Variants in ALDH16A1 observed in about 807,000 individuals in gnomAD.
ALDH16A1 encodes the protein aldehyde dehydrogenase family 16 member A1.
Under a neutral mutation model 96.1 loss-of-function variants are expected in ALDH16A1, and 88 were observed. That is an observed-to-expected ratio of 0.92 (90% CI 0.77 to 1.09). The LOEUF is 1.09. Among genes scored for constraint, ALDH16A1 ranks in the 50% least tolerant of loss-of-function variants. ALDH16A1 has a pLI of 0.00. For missense variants in ALDH16A1, 1,250 were observed against 1,112.6 expected, an observed-to-expected ratio of 1.12 and a Z score of -1.76; for synonymous variants, 522 against 496.4, an observed-to-expected ratio of 1.05 and a Z score of -0.69.
Position 49,459,754 on chromosome 19 carries a change from A to G in ALDH16A1, c.405A>G (p.Arg135=). The G allele has an allele frequency of 6.2e-7, 1 of 1,613,722 alleles. No homozygotes were observed. The highest frequency in any genetic ancestry group is 8.5e-7 in the Non-Finnish European group (1 of 1,179,928). Residue 135 remains arginine (R), a synonymous_variant, in exon 4 of 17, where the codon CGA becomes CGG. Coordinates refer to ENST00000293350, the MANE Select transcript of ALDH16A1 (RefSeq NM_153329.4). The surrounding 1 kb of genome is among the most constrained non-coding windows in gnomAD (Gnocchi z 4.1). The part of the protein sequence containing the change: ...LVTGRAVREV[R]DGDVQLAQQL... ...CTGGGCGGGCTGTTCGAGAGGTTCGAGACGGGGACGTCCAGCTGGCCCAGC... is the reference window on the plus strand; with the variant it reads ...CTGGGCGGGCTGTTCGAGAGGTTCGGGACGGGGACGTCCAGCTGGCCCAGC...
Position 49,462,637 on chromosome 19 carries a change from TG to T in ALDH16A1, c.984del (p.Arg329GlyfsTer173), listed in dbSNP as rs2079160194. The T allele has an allele frequency of 1.2e-6, 2 of 1,612,510 alleles. No homozygotes were observed. Among genetic ancestry groups the T allele is most frequent in the Admixed American group, 1.7e-5 (1 of 59,960 alleles). On this transcript the variant is annotated frameshift_variant, in exon 8 of 17. Transcript: ENST00000293350. LOFTEE classifies it high-confidence loss of function. ...GCCATGAGACGGCTGCAGGAGCGGA[TG>T]GGGCGGCTTCGGAGTGGCCGAGGGC... Reference protein sequence around the residue: ...DEAMRRLQERMGRLRSGRGLD... With the variant: ...DEAMRRLQERXGRLRSGRGLD...
chr19:49,463,867 G>T lies in ALDH16A1; in HGVS notation c.1112G>T (p.Gly371Val), dbSNP rs1204139265. 1 of 1,613,356 alleles carries T rather than the reference G, an allele frequency of 6.2e-7. No individual in the cohort carries two copies. Among genetic ancestry groups the T allele is most frequent in the Non-Finnish European group, 8.5e-7 (1 of 1,179,548 alleles). The change falls in exon 9 of 17, where the codon GGT becomes GTT. Residue 371 changes from glycine to valine, a missense_variant. By Grantham distance (109) the Gly-to-Val change is moderately radical. Transcript: ENST00000293350. ...TTCTCTCCCTAGGTGTTCCAGGCTGGTGATGTGCCTTCGGAACGCCCATTC... is the reference window on the plus strand; with the variant it reads ...TTCTCTCCCTAGGTGTTCCAGGCTGTTGATGTGCCTTCGGAACGCCCATTC... ...QSQGAQVFQA[G>V]DVPSERPFYP... is the part of the protein sequence containing the mutation.
intron 7 of ALDH16A1, among the ~76,000 whole-genome samples, chr19:49,462,354 C>T (rs985372139): frequency 3.3e-5 from 5 of 152,070 alleles, no homozygotes; most frequent in Non-Finnish European, 5.9e-5. Context: ...AGGCTGGTCT[C>T]GAACTCCTGA....
intron 14 of ALDH16A1, among the ~76,000 whole-genome samples, chr19:49,467,636 C>T (rs1274724688): frequency 1.3e-5 from 2 of 151,366 alleles, no homozygotes; most frequent in South Asian, 2.1e-4. Flanking sequence ...CCTCGTGATC[C>T]GCCCACCTTG....
chr19:49,466,402 T>C, intron 14 of ALDH16A1, 119 bp downstream of exon 14: 2 of 1,131,658 alleles, frequency 1.8e-6, no homozygotes, highest in Non-Finnish European at 2.4e-6. Flanking sequence ...CACGGCAGGA[T>C]CATCAGCAAG....
Position 49,466,228 on chromosome 19 carries a change from C to T in ALDH16A1, c.1883C>T (p.Ala628Val). 6.6e-7 allele frequency: 1 copy of T among 1,506,890 alleles called. No homozygotes were observed. The highest frequency in any genetic ancestry group is 8.9e-7 in the Non-Finnish European group (1 of 1,127,354). The allele number at this position is 1,506,890 out of a possible 1,614,324, so 93.3% of individuals were successfully genotyped here. ...KAAEAEVELS[A>V]RRLRAWGARV... ...GCGGAGGCGGAGGTGGAGCTGAGCG[C>T]AAGACGACTTCGGGCGTGGGGGGCC... The change falls in exon 14 of 17, where the codon GCA becomes GTA. Residue 628 changes from alanine (A) to valine (V), a missense_variant. Coordinates refer to ENST00000293350, the MANE Select transcript of ALDH16A1 (RefSeq NM_153329.4).
At position 49,458,515 on chromosome 19, in the gene ALDH16A1, G is replaced by A; in HGVS notation, c.120G>A (p.Leu40=). Residue 40 remains leucine (L), a synonymous_variant, in exon 2 of 17, where the codon TTG becomes TTA. Coordinates refer to ENST00000293350, the MANE Select transcript of ALDH16A1 (RefSeq NM_153329.4). ...GGCTGGACACCCAGGACCGGTGCTT[G>A]GGCCACTATGTGAATGGGAAGTGGT... is the stretch of plus-strand genomic sequence containing the variant. ...LAWLDTQDRC[L]GHYVNGKWLK... 1.9e-6 allele frequency: 3 copies of A among 1,566,064 alleles called. No individual in the cohort carries two copies. Among genetic ancestry groups the A allele is most frequent in the Non-Finnish European group, 2.6e-6 (3 of 1,153,252 alleles).
Position 49,463,937 on chromosome 19 carries a change from T to G in ALDH16A1, c.1182T>G (p.Cys394Trp). The G allele has an allele frequency of 1.2e-6, 2 of 1,610,244 alleles. No individual in the cohort carries two copies. Among genetic ancestry groups the G allele is most frequent in the Non-Finnish European group, 1.7e-6 (2 of 1,177,916 alleles). ...CCAACCTGCCCCCAGCCTCCCCATG[T>G]GCCCAGGTGGAGGTGAGACCCTTAA... ...LVSNLPPASP[C>W]AQVEVPWPVV... The change falls in exon 9 of 17, where the codon TGT (cysteine) becomes TGG (tryptophan). Residue 394 changes from cysteine to tryptophan, a missense_variant. By Grantham distance (215) the Cys-to-Trp change is radical. Transcript: ENST00000293350.
chr19:49,458,403 C>T, intron 1 of ALDH16A1, 83 bp from the exon 2 acceptor site: 1 of 1,037,276 alleles, frequency 9.6e-7, no homozygotes, highest in Non-Finnish European at 1.5e-6. Flanking sequence ...AGACAGACGT[C>T]CCCTCCTAGA....
Position 49,465,820 on chromosome 19 carries a change from T to C in ALDH16A1, c.1651T>C (p.Ser551Pro). 6.2e-7 allele frequency: 1 copy of C among 1,614,114 alleles called. No homozygotes were observed. The highest frequency in any genetic ancestry group is 8.5e-7 in the Non-Finnish European group (1 of 1,180,006). Residue 551 changes from serine to proline, a missense_variant, in exon 13 of 17, where the codon TCT becomes CCT. Transcript: ENST00000293350. The part of the protein sequence containing the change: ...ARSSRPIRDS[S>P]GNLHGYVAEG... ...AAGCTCCAGGCCCATCCGGGATTCGTCTGGCAACCTCCATGGCTACGTGGC... is the reference window on the plus strand; with the variant it reads ...AAGCTCCAGGCCCATCCGGGATTCGCCTGGCAACCTCCATGGCTACGTGGC...
In ALDH16A1 at chr19:49,459,068, G is replaced by A. The variant is rs1023248476; in HGVS notation, c.302G>A (p.Arg101Gln). ...TGGAGTGCGCACCCCGGCGTCGTCC[G>A]GGCCCAGCACCTGACCAGGTGATGC... ...KGWSAHPGVV[R>Q]AQHLTRLAEV... Residue 101 changes from arginine to glutamine, a missense_variant, in exon 3 of 17, where the codon CGG becomes CAG. By Grantham distance (43) the Arg-to-Gln change is conservative. Transcript: ENST00000293350. This position sits in a 1 kb window ranked among gnomAD's most constrained non-coding sequence, Gnocchi z 4.1. 6.8e-6 allele frequency: 11 copies of A among 1,612,770 alleles called. No individual in the cohort carries two copies. The highest frequency in any genetic ancestry group is 6.7e-5 in the African/African-American group (5 of 74,942).
chr19:49,455,364 C>T (rs950088126), intron 1 of ALDH16A1, among the ~76,000 whole-genome samples: 1 of 147,554 alleles, frequency 6.8e-6, no homozygotes, highest in African/African-American at 2.5e-5. Context: ...TGCAGTGAGC[C>T]GAGACCACGC....
Position 49,463,902 on chromosome 19 carries a change from A to C in ALDH16A1, c.1147A>C (p.Thr383Pro), listed in dbSNP as rs759942654. Residue 383 changes from threonine (T) to proline (P), a missense_variant, in exon 9 of 17, where the codon ACC (threonine) becomes CCC (proline). Thr to Pro is a conservative substitution (Grantham distance 38). Coordinates refer to ENST00000293350, the MANE Select transcript of ALDH16A1 (RefSeq NM_153329.4). ...TTCGGAACGCCCATTCTATCCCCCAACCTTGGTCTCCAACCTGCCCCCAGC... is the reference window on the plus strand; with the variant it reads ...TTCGGAACGCCCATTCTATCCCCCACCCTTGGTCTCCAACCTGCCCCCAGC... ...VPSERPFYPPTLVSNLPPASP... is the reference protein window; with the variant it reads ...VPSERPFYPPPLVSNLPPASP... 6.2e-7 allele frequency: 1 copy of C among 1,613,396 alleles called. No individual in the cohort carries two copies. The highest frequency in any genetic ancestry group is 1.1e-5 in the South Asian group (1 of 91,062).
chr19:49,466,284 G>T lies in ALDH16A1; in HGVS notation c.1938+1G>T, dbSNP rs2079198355. The T allele has an allele frequency of 2.8e-6, 4 of 1,445,596 alleles. No individual in the cohort carries two copies. The highest frequency in any genetic ancestry group is 2.9e-5 in the South Asian group (2 of 68,658). 89.5% of individuals were successfully genotyped at this position (1,445,596 alleles called of 1,614,324 possible). The stretch of plus-strand genomic sequence containing the variant: ...GCAGGCCCAAGGCCACACCCTGCAG[G>T]TGAAGGGTCTGTGGGCACCTGGGCC... On this transcript the variant is annotated splice_donor_variant, in intron 14 of 16. Transcript: ENST00000293350. LOFTEE classifies it high-confidence loss of function.
chr19:49,464,030 A>C, intron 9 of ALDH16A1, 81 bp downstream of exon 9: 1 of 1,576,452 alleles, frequency 6.3e-7, no homozygotes, highest in African/African-American at 1.3e-5. Context: ...CCCTTGGGGT[A>C]ACCATGTGAC....
chr19:49,466,642 C>G (rs1405475838), intron 14 of ALDH16A1, among the ~76,000 whole-genome samples: 2 of 152,096 alleles, frequency 1.3e-5, no homozygotes, highest in East Asian at 3.9e-4. Flanking sequence ...AGGCGGATCA[C>G]GAGGTCAGGA....
At chr19:49,462,393 C>T (rs2079157913) in intron 7 of ALDH16A1, among the ~76,000 whole-genome samples, 177 bp from the exon 8 acceptor site, 1 of 152,166 alleles carries the variant, frequency 6.6e-6, no homozygotes, top group South Asian at 2.1e-4. Context: ...CCTCGGCCTC[C>T]CAAAGTGCTG....
Position 49,468,181 on chromosome 19 carries a change from C to T in ALDH16A1, c.1939-200C>T, listed in dbSNP as rs2079214953. The T allele has an allele frequency of 7.7e-6, 4 of 519,972 alleles. No homozygotes were observed. The highest frequency in any genetic ancestry group is 6.9e-5 in the Admixed American group (2 of 29,104). 32.2% of individuals were successfully genotyped at this position (519,972 alleles called of 1,614,324 possible). ...TCTCAAAAAAAAAAAAAAAGAAAGG[C>T]GGTTATGCAGGATGTTTCTCACCGC... On this transcript the variant is annotated intron_variant, in intron 14 of 16. Transcript: ENST00000293350. This position sits in a 1 kb window ranked among gnomAD's most constrained non-coding sequence, Gnocchi z 4.4.
In ALDH16A1 at chr19:49,459,020, C is replaced by T. The variant is rs1430880706; in HGVS notation, c.254C>T (p.Ala85Val). The change falls in exon 3 of 17, where the codon GCA becomes GTA. Residue 85 changes from alanine to valine, a missense_variant. Coordinates refer to ENST00000293350, the MANE Select transcript of ALDH16A1 (RefSeq NM_153329.4). This position sits in a 1 kb window ranked among gnomAD's most constrained non-coding sequence, Gnocchi z 4.1. ...QAEDVAAAVE[A>V]ARMAFKGWSA... ...GAGGATGTGGCTGCAGCCGTGGAGG[C>T]AGCCAGGATGGCATTTAAGGGCTGG... 1 of 1,613,470 alleles carries T rather than the reference C, an allele frequency of 6.2e-7. No homozygotes were observed. The highest frequency in any genetic ancestry group is 8.5e-7 in the Non-Finnish European group (1 of 1,180,034).
Sources: allele counts gnomAD v4.1 joint callset (sites outside exome capture counted in the v4.1 genomes callset), GRCh38; gene constraint gnomAD v4.1.1; non-coding constraint Gnocchi (gnomAD v3.1); transcripts MANE v1.5; gene names NCBI Gene and HGNC (gene_info 2026-07-23, HGNC 2026-07-21).